The following DLG2 variants were observed in gnomAD, a reference collection of about 807,000 sequenced individuals.
DLG2 encodes discs large MAGUK scaffold protein 2.
DLG2 carries 45 observed loss-of-function variants against 132.5 expected under a neutral mutation model. That is an observed-to-expected ratio of 0.34 (90% CI 0.27 to 0.44). The LOEUF is 0.44. Among genes scored for constraint, DLG2 ranks in the 20% least tolerant of loss-of-function variants. The probability of loss-of-function intolerance (pLI) is 1.00; values close to 1 mark genes in which losing one functional copy is unlikely to be tolerated. For synonymous variants in DLG2, 424 were observed against 419.6 expected (o/e 1.01, Z -0.13); for missense variants, 1,045 against 1,196.9 (o/e 0.87, Z 1.87).
intron 7 of DLG2, among the ~76,000 whole-genome samples, chr11:84,290,410 G>T (rs1238976001): frequency 2.6e-5 from 4 of 152,024 alleles, no homozygotes; most frequent in Admixed American, 2.6e-4. Context: ...AAGCCTCTTG[G>T]TTTTTCTGAG....
chr11:84,600,226 G>A (rs867300695), intron 6 of DLG2, among the ~76,000 whole-genome samples: 9 of 121,614 alleles, frequency 7.4e-5, no homozygotes, highest in South Asian at 5.7e-4. Context: ...GAAAGAAAGA[G>A]AAAGAAAGAC....
chr11:83,713,379 G>A (rs1006604639), intron 18 of DLG2, among the ~76,000 whole-genome samples: 3 of 152,142 alleles, frequency 2.0e-5, no homozygotes, highest in Admixed American at 6.5e-5. Context: ...CATAAAAGAC[G>A]GATTTCCAGA....
chr11:84,846,880 T>C (rs1414461091), intron 6 of DLG2, among the ~76,000 whole-genome samples: 1 of 152,158 alleles, frequency 6.6e-6, no homozygotes, highest in African/African-American at 2.4e-5. Context: ...TGCATATCTA[T>C]ATATGTGAGA....
chr11:84,931,238 C>T (rs2048050492), intron 6 of DLG2, among the ~76,000 whole-genome samples: 1 of 152,004 alleles, frequency 6.6e-6, no homozygotes, highest in African/African-American at 2.4e-5. Flanking sequence ...GTTTCTTGTA[C>T]AGTTTATTTC....
At chr11:83,784,917 G>A (rs1315187934) in intron 18 of DLG2, among the ~76,000 whole-genome samples, 1 of 152,130 alleles carries the variant, frequency 6.6e-6, no homozygotes, top group African/African-American at 2.4e-5. Flanking sequence ...GATGGTGAAG[G>A]ACATACAGTT....
At chr11:84,762,722 A>G (rs2067808037) in intron 6 of DLG2, among the ~76,000 whole-genome samples, 1 of 152,186 alleles carries the variant, frequency 6.6e-6, no homozygotes, top group Non-Finnish European at 1.5e-5. Context: ...ATATTTATTG[A>G]ATGTCCATGT....
chr11:83,479,272 C>CTGAT (rs2092894141), intron 22 of DLG2, among the ~76,000 whole-genome samples: 1 of 152,052 alleles, frequency 6.6e-6, no homozygotes, highest in Non-Finnish European at 1.5e-5. Flanking sequence ...TGCCACCCCT[C>CTGAT]TGATTTTCCA....
At position 85,604,169 on chromosome 11, in the gene DLG2, T is replaced by C. The variant is rs150151011; in HGVS notation, c.-92-5381A>G. 7.2e-5 allele frequency among the ~76,000 whole-genome samples: 11 copies of C among 152,328 alleles called. No individual in the cohort carries two copies. In the East Asian group the frequency reaches 1.9e-3, roughly 27 times the overall value. On this transcript the variant is annotated intron_variant, in intron 2 of 27. Transcript: ENST00000376104. ...GCCTCTCATCGCTGTAGGATAAAAATTTGACACATAAAAAATGCTAAAATA... is the reference window on the plus strand; with the variant it reads ...GCCTCTCATCGCTGTAGGATAAAAACTTGACACATAAAAAATGCTAAAATA...
At chr11:84,198,698 C>T (rs1222914045) in intron 8 of DLG2, among the ~76,000 whole-genome samples, 2 of 152,012 alleles carry the variant, frequency 1.3e-5, no homozygotes, top group Non-Finnish European at 2.9e-5. Context: ...AAGTGGAGTG[C>T]TAACCCTTTA....
chr11:84,534,843 T>G lies in DLG2; in HGVS notation c.358-112A>C, dbSNP rs534982264. 7.2e-6 allele frequency: 9 copies of G among 1,250,948 alleles called. No individual in the cohort carries two copies. The Admixed American group carries it at 1.5e-4, about 21-fold the overall frequency. The allele number at this position is 1,250,948 out of a possible 1,614,324, so 77.5% of individuals were successfully genotyped here. ...ATAGGACACAGTGTGCACCTACTGT[T>G]GACTTCACCAAATGGGCTTTGCTGC... On this transcript the variant is annotated intron_variant, in intron 6 of 27. Coordinates refer to ENST00000376104, the MANE Select transcript of DLG2 (RefSeq NM_001142699.3).
At chr11:84,330,258 G>A (rs570773421) in intron 7 of DLG2, among the ~76,000 whole-genome samples, 1 of 152,160 alleles carries the variant, frequency 6.6e-6, no homozygotes, top group South Asian at 2.1e-4. Context: ...TTCCATATTG[G>A]TCCTAAACTT....
At chr11:84,233,008 A>G (rs923193340) in intron 8 of DLG2, among the ~76,000 whole-genome samples, 3 of 152,202 alleles carry the variant, frequency 2.0e-5, no homozygotes, top group Non-Finnish European at 4.4e-5. Flanking sequence ...ACAAAATGAT[A>G]TGAACTTGGA....
intron 3 of DLG2, among the ~76,000 whole-genome samples, chr11:85,375,340 G>C (rs1392265577): frequency 6.6e-6 from 1 of 152,182 alleles, no homozygotes; most frequent in Non-Finnish European, 1.5e-5. Context: ...GAAGTGATGT[G>C]ATGATTTCTT....
chr11:85,460,073 C>G (rs1181072673), intron 3 of DLG2, among the ~76,000 whole-genome samples: 1 of 152,178 alleles, frequency 6.6e-6, no homozygotes, highest in Non-Finnish European at 1.5e-5. Context: ...TGCAGAGCTG[C>G]TACCAGCCCA....
At chr11:85,209,126 A>G (rs1047932019) in intron 4 of DLG2, among the ~76,000 whole-genome samples, 2 of 152,034 alleles carry the variant, frequency 1.3e-5, no homozygotes, top group Admixed American at 1.3e-4. Context: ...CTCCCTAACT[A>G]TTCATCTTCT....
chr11:84,626,567 G>T (rs1288575913), intron 6 of DLG2, among the ~76,000 whole-genome samples: 2 of 152,106 alleles, frequency 1.3e-5, no homozygotes, highest in Non-Finnish European at 1.5e-5. Context: ...AATATATTTT[G>T]GCCTGAAACT....
At chr11:85,407,654 A>G (rs1428735486) in intron 3 of DLG2, among the ~76,000 whole-genome samples, 2 of 151,772 alleles carry the variant, frequency 1.3e-5, no homozygotes, top group Non-Finnish European at 2.9e-5. Flanking sequence ...GCCTATGTAG[A>G]GTATGTTACC....
chr11:85,537,209 C>CT (rs2075649113), intron 3 of DLG2, among the ~76,000 whole-genome samples: 1 of 152,102 alleles, frequency 6.6e-6, no homozygotes, highest in African/African-American at 2.4e-5. Flanking sequence ...CTCTGTAAAA[C>CT]GGACCAATCA....
chr11:85,408,503 G>A (rs575039281), intron 3 of DLG2, among the ~76,000 whole-genome samples: 2 of 149,662 alleles, frequency 1.3e-5, no homozygotes, highest in East Asian at 4.0e-4. Flanking sequence ...CCACTAACTC[G>A]TCATCTAGCA....
Sources: gnomAD v4.1 joint callset for allele counts (sites outside exome capture counted in the v4.1 genomes callset) on GRCh38, gnomAD v4.1.1 for gene constraint, MANE v1.5 for transcripts, NCBI Gene and HGNC (gene_info 2026-07-23, HGNC 2026-07-21) for gene names.